The following ANKRD12 variants were observed in gnomAD, a reference collection of about 807,000 sequenced individuals.
ANKRD12 encodes ankyrin repeat domain-containing protein 12.
Under a neutral mutation model 183.4 loss-of-function variants are expected in ANKRD12, and 85 were observed. That is an observed-to-expected ratio of 0.46 (90% CI 0.39 to 0.56). The LOEUF is 0.56. ANKRD12 is among the 20% of genes least tolerant of loss of function. The pLI is 0.00. For missense variants in ANKRD12, 2,405 were observed against 2,357.1 expected (o/e 1.02, Z -0.42); for synonymous variants, 914 against 800.2 (o/e 1.14, Z -2.40).
At position 9,281,748 on chromosome 18, in the gene ANKRD12, T is replaced by G. The variant is rs1303171110; in HGVS notation, c.*622T>G. On this transcript the variant is annotated 3_prime_UTR_variant, in exon 13 of 13. Transcript: ENST00000262126. ...ACAAAGAAATACCTGTAAAACTGTT[T>G]TGTCTCATGTTTTATTGGACCAAAG... The G allele has an allele frequency of 6.5e-6, 1 of 152,698 alleles. No individual in the cohort carries two copies. Among genetic ancestry groups the G allele is most frequent in the Admixed American group, 6.5e-5 (1 of 15,290 alleles). 9.5% of individuals were successfully genotyped at this position (152,698 alleles called of 1,614,324 possible).
intron 9 of ANKRD12, chr18:9,259,486 T>C (rs369456931): frequency 6.6e-6 from 1 of 151,838 alleles, no homozygotes; most frequent in South Asian, 2.1e-4. Flanking sequence ...CACATAAATG[T>C]GTGTAATATT....
At chr18:9,232,920 G>A (rs2037137092) in intron 8 of ANKRD12, among the ~76,000 whole-genome samples, 1 of 151,698 alleles carries the variant, frequency 6.6e-6, no homozygotes, top group African/African-American at 2.4e-5. Context: ...TGTGATCTCG[G>A]CTCACTACAA....
chr18:9,181,804 G>A lies in ANKRD12; in HGVS notation c.-51-578G>A, dbSNP rs2033720219. ...CCTATTATGCTTGTAGAATAGGAAA[G>A]AGAAGGCTGAACAAATTGGAAATAA... On this transcript the variant is annotated intron_variant, in intron 1 of 12. Transcript: ENST00000262126. Among the ~76,000 whole-genome samples, 5 of 152,300 alleles carry A rather than the reference G, an allele frequency of 3.3e-5. No homozygotes were observed. In the South Asian group the frequency reaches 1.0e-3, roughly 32 times the overall value.
At chr18:9,179,176 A>G (rs2033514612) in intron 1 of ANKRD12, among the ~76,000 whole-genome samples, 1 of 152,172 alleles carries the variant, frequency 6.6e-6, no homozygotes. Context: ...TTCTTTGTAG[A>G]TATCTTTGCT....
chr18:9,179,580 A>G (rs2033548575), intron 1 of ANKRD12, among the ~76,000 whole-genome samples: 1 of 152,096 alleles, frequency 6.6e-6, no homozygotes, highest in Admixed American at 6.6e-5. Context: ...CAGTGGCGTG[A>G]TCATGGCTCA....
intron 1 of ANKRD12, among the ~76,000 whole-genome samples, chr18:9,143,756 T>G (rs2078400283): frequency 6.6e-6 from 1 of 152,094 alleles, no homozygotes; most frequent in Non-Finnish European, 1.5e-5. Context: ...CACCACTCTC[T>G]GCGGAGCATT....
At chr18:9,179,678 G>A (rs1021565015) in intron 1 of ANKRD12, among the ~76,000 whole-genome samples, 1 of 152,024 alleles carries the variant, frequency 6.6e-6, no homozygotes, top group Non-Finnish European at 1.5e-5. Flanking sequence ...ACCATGCCCA[G>A]CTAATTTTTG....
intron 1 of ANKRD12, among the ~76,000 whole-genome samples, chr18:9,146,022 C>T (rs1306669664): frequency 6.6e-6 from 1 of 152,038 alleles, no homozygotes; most frequent in Admixed American, 6.6e-5. Context: ...GGGAAAAGGA[C>T]CTGTGTGTTT....
chr18:9,285,929 T>C lies in ANKRD12; in HGVS notation c.*4803T>C, dbSNP rs1330090415. ...TTGTTTATTCGTTCTCTTGTTGGTA[T>C]TTGGATTGTTTCCAGTTTGGGACTA... is the stretch of plus-strand genomic sequence containing the variant. On this transcript the variant is annotated 3_prime_UTR_variant, in exon 13 of 13. Coordinates refer to ENST00000262126, the MANE Select transcript of ANKRD12 (RefSeq NM_015208.5). 1 of 152,250 alleles carries C rather than the reference T, an allele frequency of 6.6e-6. No homozygotes were observed. Among genetic ancestry groups the C allele is most frequent in the Non-Finnish European group, 1.5e-5 (1 of 68,050 alleles). The allele number at this position is 152,250 out of a possible 1,614,324, so 9.4% of individuals were successfully genotyped here. A position where few individuals can be genotyped will look rare whatever the true frequency, so the allele number is the denominator to read the frequency against.
At chr18:9,271,025 G>A (rs1323774863) in intron 10 of ANKRD12, among the ~76,000 whole-genome samples, 5 of 152,250 alleles carry the variant, frequency 3.3e-5, no homozygotes, top group Admixed American at 1.3e-4. Flanking sequence ...GTATCTCTAC[G>A]CAGAACTGCA....
intron 9 of ANKRD12, among the ~76,000 whole-genome samples, chr18:9,260,766 C>G (rs888505235): frequency 4.6e-5 from 7 of 152,316 alleles, no homozygotes; most frequent in African/African-American, 1.7e-4. Flanking sequence ...ACCTCCATAT[C>G]TCTTTGGTGA....
intron 11 of ANKRD12, among the ~76,000 whole-genome samples, chr18:9,278,668 G>A (rs1449309791): frequency 6.6e-6 from 1 of 152,090 alleles, no homozygotes; most frequent in African/African-American, 2.4e-5. Context: ...GTGGTGGCGG[G>A]TGCCTGTAAT....
chr18:9,198,389 T>C (rs1369633886), intron 3 of ANKRD12, among the ~76,000 whole-genome samples: 1 of 152,088 alleles, frequency 6.6e-6, no homozygotes, highest in Non-Finnish European at 1.5e-5. Context: ...GACAAAATTG[T>C]TTTTGGTCTG....
chr18:9,276,641 C>T (rs1330575384), intron 11 of ANKRD12, among the ~76,000 whole-genome samples: 12 of 151,768 alleles, frequency 7.9e-5, no homozygotes, highest in Admixed American at 7.2e-4. Flanking sequence ...TTGAGCCTGG[C>T]AGGCCAAGGC....
chr18:9,280,782 C>CT (rs1006289867), intron 12 of ANKRD12, among the ~76,000 whole-genome samples, 159 bp from the exon 13 acceptor site: 10 of 151,770 alleles, frequency 6.6e-5, no homozygotes, highest in African/African-American at 2.2e-4. Context: ...GAGCAAGACT[C>CT]TGTCTCAAAA....
chr18:9,165,862 CT>C (rs1171332142), intron 1 of ANKRD12, among the ~76,000 whole-genome samples: 8 of 121,410 alleles, frequency 6.6e-5, no homozygotes, highest in East Asian at 2.7e-4. Context: ...AATGCTATCC[CT>C]CCCCCCCTCC....
intron 4 of ANKRD12, among the ~76,000 whole-genome samples, chr18:9,207,082 A>G (rs1429536380): frequency 1.3e-5 from 2 of 152,090 alleles, no homozygotes; most frequent in African/African-American, 2.4e-5. Flanking sequence ...ATTCAAATGG[A>G]AAACTATTAA....
chr18:9,241,298 C>T (rs2037647770), intron 8 of ANKRD12, among the ~76,000 whole-genome samples: 1 of 151,918 alleles, frequency 6.6e-6, no homozygotes, highest in Non-Finnish European at 1.5e-5. Context: ...TATGAGTATA[C>T]CTATAATAAA....
chr18:9,237,228 A>G, intron 8 of ANKRD12, among the ~76,000 whole-genome samples: 1 of 152,218 alleles, frequency 6.6e-6, no homozygotes, highest in East Asian at 1.9e-4. Context: ...TACTTGAAAT[A>G]TCTATCAATG....
Sources: gnomAD v4.1 joint callset for allele counts (sites outside exome capture counted in the v4.1 genomes callset) on GRCh38, gnomAD v4.1.1 for gene constraint, MANE v1.5 for transcripts, NCBI Gene and HGNC (gene_info 2026-07-23, HGNC 2026-07-21) for gene names.